Variants in ZNF532 observed in about 807,000 individuals in gnomAD.
The protein encoded by ZNF532 is zinc finger protein 532.
In ZNF532, 22 loss-of-function variants were observed where a neutral mutation model predicts 89.3. The ratio of observed to expected loss-of-function variants is 0.25; its 90% CI spans 0.18 to 0.35. The LOEUF (loss-of-function observed/expected upper bound fraction) is 0.35. Ranked by LOEUF, ZNF532 falls within the 10% of genes least tolerant of loss-of-function variation. The pLI is 1.00. For missense variants in ZNF532, 1,132 were observed against 1,643.4 expected (o/e 0.69, Z 5.38); for synonymous variants, 606 against 649.6 (o/e 0.93, Z 1.02).
intron 7 of ZNF532, among the ~76,000 whole-genome samples, chr18:58,964,531 TTGTTTG>T (rs1165566319): frequency 5.4e-4 from 74 of 137,032 alleles, no homozygotes; most frequent in Admixed American, 3.5e-3. Context: ...AATTGATATT[TTGTTTG>T]TGTGTGTGTG....
intron 7 of ZNF532, among the ~76,000 whole-genome samples, chr18:58,973,268 A>G (rs2066666870): frequency 6.6e-6 from 1 of 152,112 alleles, no homozygotes; most frequent in South Asian, 2.1e-4. Flanking sequence ...ATGCCCAGCT[A>G]ATATTTGTAT....
At chr18:58,904,328 G>A (rs1398185924) in intron 2 of ZNF532, among the ~76,000 whole-genome samples, 1 of 151,410 alleles carries the variant, frequency 6.6e-6, no homozygotes, top group Non-Finnish European at 1.5e-5. Context: ...TGCCAGCCTA[G>A]GCAACCTAGT....
rs538484527 is a variant in ZNF532 at position 58,983,569 on chromosome 18, C to T, written c.3412-403C>T. On this transcript the variant is annotated intron_variant, in intron 9 of 9. Transcript: ENST00000591808. ...CACCTGTCACCAGGCTGTCCCTGAC[C>T]GTACCACATCACCTAGCAGCCACAC... Among the ~76,000 whole-genome samples, 15 of 152,022 alleles carry T rather than the reference C, an allele frequency of 9.9e-5. No homozygotes were observed. The South Asian group carries it at 1.9e-3, about 19-fold the overall frequency.
intron 7 of ZNF532, among the ~76,000 whole-genome samples, chr18:58,960,706 C>G (rs1483198028): frequency 6.6e-6 from 1 of 152,144 alleles, no homozygotes; most frequent in Non-Finnish European, 1.5e-5. Flanking sequence ...TGATACTGTT[C>G]TGTACAGTGT....
chr18:58,873,807 C>G (rs1324016962), intron 2 of ZNF532, among the ~76,000 whole-genome samples: 2 of 152,150 alleles, frequency 1.3e-5, no homozygotes, highest in African/African-American at 4.8e-5. Flanking sequence ...CTGGTGAAAT[C>G]TGAGTGATAA....
In ZNF532 at chr18:58,958,382, C is replaced by G. The variant is rs2065014101; in HGVS notation, c.3150+4583C>G. On this transcript the variant is annotated intron_variant, in intron 7 of 9. Transcript: ENST00000591808. ...TTTTAAGAAGTTCTTGTTACAAATT[C>G]TATATACAGAAAGCAGTAAAAAACT... Among the ~76,000 whole-genome samples, 6 of 152,260 alleles carry G rather than the reference C, an allele frequency of 3.9e-5. No individual in the cohort carries two copies. The South Asian group carries it at 1.0e-3, about 26-fold the overall frequency.
chr18:58,949,687 A>C (rs1361924387), intron 6 of ZNF532, among the ~76,000 whole-genome samples: 1 of 152,216 alleles, frequency 6.6e-6, no homozygotes, highest in South Asian at 2.1e-4. Context: ...GAAACAAACA[A>C]ACAAAAAGTT....
chr18:58,884,241 G>A (rs1172399395), intron 2 of ZNF532, among the ~76,000 whole-genome samples: 1 of 152,198 alleles, frequency 6.6e-6, no homozygotes, highest in Non-Finnish European at 1.5e-5. Flanking sequence ...TTAGCTGGGT[G>A]CGCTGGGCGC....
intron 7 of ZNF532, among the ~76,000 whole-genome samples, chr18:58,971,550 A>C (rs1196878673): frequency 2.6e-5 from 4 of 152,338 alleles, no homozygotes; most frequent in Admixed American, 2.6e-4. Context: ...AGTAGTTGCA[A>C]CAGAAACCTT....
rs931926881 is a variant in ZNF532, at chr18:58,895,308, C to T, written c.-17-22963C>T. Among the ~76,000 whole-genome samples the T allele has an allele frequency of 2.6e-5, 4 of 152,190 alleles. No individual in the cohort carries two copies. The South Asian group carries it at 6.2e-4, about 24-fold the overall frequency. ...TAAGGCAGTATTTCCCAAAAGGGCA[C>T]GTACACCTCCCAGATGCTGTTAGGG... is the stretch of plus-strand genomic sequence containing the variant. On this transcript the variant is annotated intron_variant, in intron 2 of 9. Transcript: ENST00000591808.
intron 2 of ZNF532, among the ~76,000 whole-genome samples, chr18:58,911,740 GA>G (rs1426263495): frequency 7.2e-5 from 11 of 152,154 alleles, no homozygotes; most frequent in Non-Finnish European, 1.0e-4. Flanking sequence ...AGTTAATAAG[GA>G]AAAACAAAAT....
intron 2 of ZNF532, among the ~76,000 whole-genome samples, chr18:58,898,716 C>T (rs1308951719): frequency 6.6e-6 from 1 of 152,222 alleles, no homozygotes; most frequent in Admixed American, 6.5e-5. Context: ...CACCTTGATT[C>T]TCTGATTTCC....
intron 2 of ZNF532, among the ~76,000 whole-genome samples, chr18:58,888,920 ACAGGCTGAG>A (rs2058695745): frequency 9.8e-6 from 1 of 101,852 alleles, no homozygotes; most frequent in Non-Finnish European, 1.9e-5. Context: ...TATAATTCAT[ACAGGCTGAG>A]TATCCCTTAT....
In ZNF532 at chr18:58,979,102, G is replaced by A. The variant is rs199973703; in HGVS notation, c.3198G>A (p.Ser1066=). ...PCRQCDKSFS[S]SHSLCRHNRI... is the part of the protein sequence containing the mutation. Reference sequence around the variant, plus strand: ...GCCAGTGTGACAAGTCTTTCAGCTCGTCCCACAGCCTGTGCCGGCACAACC... The same window carrying A: ...GCCAGTGTGACAAGTCTTTCAGCTCATCCCACAGCCTGTGCCGGCACAACC... The change falls in exon 8 of 10, where the codon TCG becomes TCA. Residue 1066 remains serine, a synonymous_variant. Transcript: ENST00000591808. The A allele has an allele frequency of 2.6e-5, 42 of 1,613,186 alleles. No individual in the cohort carries two copies. The highest frequency in any genetic ancestry group is 1.6e-4 in the East Asian group (7 of 44,874).
chr18:58,912,677 CT>C (rs1176810349), intron 2 of ZNF532, among the ~76,000 whole-genome samples: 1 of 152,200 alleles, frequency 6.6e-6, no homozygotes, highest in Non-Finnish European at 1.5e-5. Flanking sequence ...TAAAATGAAA[CT>C]TTTCTGTGGC....
intron 2 of ZNF532, among the ~76,000 whole-genome samples, chr18:58,913,924 C>T (rs1337609375): frequency 2.0e-5 from 3 of 152,154 alleles, no homozygotes; most frequent in East Asian, 1.9e-4. Context: ...TGGATTTAGG[C>T]GTGCATCTTT....
chr18:58,922,380 AT>A (rs1178083535), intron 3 of ZNF532, among the ~76,000 whole-genome samples: 1 of 152,160 alleles, frequency 6.6e-6, no homozygotes, highest in African/African-American at 2.4e-5. Context: ...TACCCCGGTA[AT>A]TTTTTTATCT....
intron 3 of ZNF532, among the ~76,000 whole-genome samples, chr18:58,924,327 G>A (rs2061360810): frequency 6.6e-6 from 1 of 152,212 alleles, no homozygotes; most frequent in Non-Finnish European, 1.5e-5. Flanking sequence ...GTTTAAGCCT[G>A]TGCCTGTGGC....
chr18:58,927,274 A>G (rs539391881), intron 3 of ZNF532, among the ~76,000 whole-genome samples: 90 of 152,336 alleles, frequency 5.9e-4, no homozygotes, highest in African/African-American at 2.1e-3. Flanking sequence ...AGCTCATTAC[A>G]GTCTCAAGAG....
Sources: gnomAD v4.1 joint callset for allele counts (sites outside exome capture counted in the v4.1 genomes callset) on GRCh38, gnomAD v4.1.1 for gene constraint, MANE v1.5 for transcripts, NCBI Gene and HGNC (gene_info 2026-07-23, HGNC 2026-07-21) for gene names.